Variants in ELP4 observed in about 807,000 individuals in gnomAD.
ELP4 encodes the protein elongator complex protein 4.
ELP4 carries 51 observed loss-of-function variants against 48.9 expected under a neutral mutation model. The observed-to-expected ratio is 1.04, with a 90% CI of 0.83 to 1.32. The LOEUF (loss-of-function observed/expected upper bound fraction) is 1.32. Among genes scored for constraint, ELP4 ranks in the 40% most tolerant of loss-of-function variants. The pLI is 0.00. For synonymous variants in ELP4, 210 were observed against 189.2 expected (o/e 1.11, Z -0.90); for missense variants, 519 against 514.6 (o/e 1.01, Z -0.08).
At chr11:31,772,814 T>C (rs1403479363) in intron 9 of ELP4, among the ~76,000 whole-genome samples, 1 of 152,042 alleles carries the variant, frequency 6.6e-6, no homozygotes. Context: ...AAAAAAAAAA[T>C]TATCAATCTC....
intron 9 of ELP4, among the ~76,000 whole-genome samples, chr11:31,666,886 A>G (rs1338184601): frequency 6.6e-6 from 1 of 152,178 alleles, no homozygotes; most frequent in African/African-American, 2.4e-5. Flanking sequence ...ATGTAAAAAG[A>G]GTGATTAAAA....
intron 9 of ELP4, among the ~76,000 whole-genome samples, chr11:31,715,848 C>T (rs1347247687): frequency 6.6e-6 from 1 of 152,144 alleles, no homozygotes; most frequent in Non-Finnish European, 1.5e-5. Flanking sequence ...ACAGAGCAAG[C>T]ACTCAATAGA....
chr11:31,560,689 T>TTTATATATATATAAAACAACGTTGTG (rs1957005858), intron 3 of ELP4, among the ~76,000 whole-genome samples: 1 of 147,460 alleles, frequency 6.8e-6, no homozygotes, highest in Non-Finnish European at 1.5e-5. Context: ...ACCACATTGT[T>TTTATATATATATAAAACAACGTTGTG]TTATATATAT....
chr11:31,726,216 G>C (rs1256237181), intron 9 of ELP4, among the ~76,000 whole-genome samples: 1 of 152,052 alleles, frequency 6.6e-6, no homozygotes, highest in Non-Finnish European at 1.5e-5. Flanking sequence ...CAGATCAAGG[G>C]GTTATCAAGG....
intron 9 of ELP4, among the ~76,000 whole-genome samples, chr11:31,718,420 C>T (rs552646697): frequency 2.6e-5 from 4 of 152,170 alleles, no homozygotes; most frequent in Non-Finnish European, 4.4e-5. Context: ...ATTAAACTAC[C>T]GCAAAACATA....
intron 3 of ELP4, among the ~76,000 whole-genome samples, chr11:31,553,725 A>AGC (rs1362894921): frequency 7.1e-5 from 10 of 140,404 alleles, no homozygotes; most frequent in Admixed American, 7.1e-4. Context: ...TGCACACACA[A>AGC]ACACACACAC....
intron 9 of ELP4, among the ~76,000 whole-genome samples, chr11:31,723,341 CCCCGCCA>C (rs967058224): frequency 1.4e-4 from 21 of 152,056 alleles, no homozygotes; most frequent in African/African-American, 5.1e-4. Flanking sequence ...CACCCCCGCC[CCCCGCCA>C]CCCACTCCCC....
intron 3 of ELP4, among the ~76,000 whole-genome samples, chr11:31,570,502 T>G (rs1171051048): frequency 6.6e-6 from 1 of 150,734 alleles, no homozygotes; most frequent in Admixed American, 6.6e-5. Flanking sequence ...GAGTCTCACT[T>G]TGTCGTCCAG....
chr11:31,690,437 A>G (rs2134137540), intron 9 of ELP4, among the ~76,000 whole-genome samples: 1 of 152,122 alleles, frequency 6.6e-6, no homozygotes, highest in Non-Finnish European at 1.5e-5. Flanking sequence ...AAAAATATAT[A>G]TATTTTATAT....
At chr11:31,580,048 T>C (rs980348736) in intron 3 of ELP4, among the ~76,000 whole-genome samples, 18 of 152,132 alleles carry the variant, frequency 1.2e-4, no homozygotes, top group Non-Finnish European at 2.4e-4. Context: ...AAAAGAAATA[T>C]CAAAGTTAAT....
chr11:31,705,952 A>C lies in ELP4; in HGVS notation c.1143+55731A>C, dbSNP rs931792702. ...ACTGTAACCTCAAACTCCTAGGCTC[A>C]AGTGATCCTCCTGCCTCAGCCTCCT... is the stretch of plus-strand genomic sequence containing the variant. On this transcript the variant is annotated intron_variant, in intron 9 of 9. Transcript: ENST00000640961. 3.3e-5 allele frequency among the ~76,000 whole-genome samples: 5 copies of C among 152,272 alleles called. No individual in the cohort carries two copies. In the South Asian group the frequency reaches 1.0e-3, roughly 32 times the overall value.
chr11:31,627,064 A>G (rs757149727), intron 5 of ELP4, 46 bp from the exon 6 acceptor site: 9 of 1,037,728 alleles, frequency 8.7e-6, no homozygotes, highest in Non-Finnish European at 1.4e-5. Flanking sequence ...TGTACTTCTT[A>G]TGTAATAACC....
chr11:31,541,087 G>A (rs929347995), intron 3 of ELP4, among the ~76,000 whole-genome samples: 1 of 152,058 alleles, frequency 6.6e-6, no homozygotes, highest in African/African-American at 2.4e-5. Flanking sequence ...TACATAGTTT[G>A]CAAAATGGCA....
intron 7 of ELP4, among the ~76,000 whole-genome samples, chr11:31,638,967 A>G (rs895860748): frequency 1.3e-5 from 2 of 151,852 alleles, no homozygotes; most frequent in African/African-American, 2.4e-5. Flanking sequence ...ATTTTGGGAA[A>G]ATATTTTTTA....
chr11:31,688,358 C>A (rs1592224497), intron 9 of ELP4, among the ~76,000 whole-genome samples: 2 of 152,154 alleles, frequency 1.3e-5, no homozygotes, highest in African/African-American at 4.8e-5. Flanking sequence ...GACCAATTTT[C>A]TACTTATTTA....
chr11:31,748,285 C>A (rs1021507605), intron 9 of ELP4, among the ~76,000 whole-genome samples: 2 of 147,424 alleles, frequency 1.4e-5, no homozygotes, highest in Non-Finnish European at 3.0e-5. Flanking sequence ...CATTCTGTTG[C>A]CCAAGCTGGA....
At chr11:31,710,618 C>A (rs1459983360) in intron 9 of ELP4, among the ~76,000 whole-genome samples, 1 of 149,688 alleles carries the variant, frequency 6.7e-6, no homozygotes, top group Non-Finnish European at 1.5e-5. Flanking sequence ...GACAGAGACC[C>A]CATCTGAAAA....
intron 3 of ELP4, among the ~76,000 whole-genome samples, chr11:31,560,575 G>A (rs902679439): frequency 1.3e-5 from 2 of 150,856 alleles, no homozygotes; most frequent in Non-Finnish European, 3.0e-5. Context: ...TACTACACAT[G>A]GTCTCACTAA....
chr11:31,737,596 A>T (rs1947347814), intron 9 of ELP4, among the ~76,000 whole-genome samples: 2 of 152,210 alleles, frequency 1.3e-5, no homozygotes, highest in Non-Finnish European at 2.9e-5. Flanking sequence ...AGGGATTAAC[A>T]TCCAAAATAT....
Sources: allele counts gnomAD v4.1 joint callset (sites outside exome capture counted in the v4.1 genomes callset), GRCh38; gene constraint gnomAD v4.1.1; transcripts MANE v1.5; gene names NCBI Gene and HGNC (gene_info 2026-07-23, HGNC 2026-07-21).